Variants in RBM7 observed in about 807,000 individuals in gnomAD.
The protein encoded by RBM7 is RNA binding motif protein 7.
Under a neutral mutation model 31.0 loss-of-function variants are expected in RBM7, and 13 were observed. The observed-to-expected ratio is 0.42, with a 90% CI of 0.27 to 0.67. RBM7 has a LOEUF of 0.67. Among genes scored for constraint, RBM7 ranks in the 30% least tolerant of loss-of-function variants. The probability of loss-of-function intolerance (pLI) is 0.24; values close to 1 mark genes in which losing one functional copy is unlikely to be tolerated. For synonymous variants in RBM7, 106 were observed against 111.2 expected, an observed-to-expected ratio of 0.95 and a Z score of 0.30; for missense variants, 245 against 326.2, an observed-to-expected ratio of 0.75 and a Z score of 1.92.
chr11:114,406,431 A>T (rs1946266848), intron 4 of RBM7: 1 of 152,228 alleles, frequency 6.6e-6, no homozygotes, highest in African/African-American at 2.4e-5. Context: ...TTTTATGTAC[A>T]TATTGCCTAT....
chr11:114,407,917 C>T lies in RBM7; in HGVS notation c.*110C>T, dbSNP rs1946288765. The T allele has an allele frequency of 3.2e-6, 4 of 1,268,140 alleles. No individual in the cohort carries two copies. The highest frequency in any genetic ancestry group is 2.5e-5 in the East Asian group (1 of 39,744). 78.6% of individuals were successfully genotyped at this position (1,268,140 alleles called of 1,614,324 possible). Reference sequence around the variant, plus strand: ...TACAGAGCAGCTTTACAAGTTGTCACATTTCTTTATAAATTTTTTTAAAGC... The same window carrying T: ...TACAGAGCAGCTTTACAAGTTGTCATATTTCTTTATAAATTTTTTTAAAGC... On this transcript the variant is annotated 3_prime_UTR_variant, in exon 5 of 5. Coordinates refer to ENST00000375490, the MANE Select transcript of RBM7 (RefSeq NM_001286045.2).
chr11:114,402,113 G>A (rs1946210422), intron 2 of RBM7: 1 of 367,416 alleles, frequency 2.7e-6, no homozygotes, highest in South Asian at 4.2e-5. Flanking sequence ...ATCACTAAGA[G>A]AGCTGGGCTT....
At chr11:114,405,167 C>T (rs2135353877) in intron 3 of RBM7, among the ~76,000 whole-genome samples, 1 of 152,260 alleles carries the variant, frequency 6.6e-6, no homozygotes, top group East Asian at 1.9e-4. Context: ...TGCATTAGCT[C>T]AGGGACTGAC....
chr11:114,400,743 G>C lies in RBM7; in HGVS notation c.72G>C (p.Glu24Asp). Reference sequence around the variant, plus strand: ...ACCTTGAAACGAAAGTGACCGAGGAGCTCCTTTTCGAGCTTTTCCACCAGG... The same window carrying C: ...ACCTTGAAACGAAAGTGACCGAGGACCTCCTTTTCGAGCTTTTCCACCAGG... ...VGNLETKVTEELLFELFHQAG... is the reference protein window; with the variant it reads ...VGNLETKVTEDLLFELFHQAG... The change falls in exon 1 of 5, where the codon GAG (glutamate) becomes GAC (aspartate). Residue 24 changes from glutamate (E) to aspartate (D), a missense_variant. By Grantham distance (45) the Glu-to-Asp change is conservative. Transcript: ENST00000375490. The C allele has an allele frequency of 6.2e-7, 1 of 1,614,240 alleles. No homozygotes were observed. Among genetic ancestry groups the C allele is most frequent in the Non-Finnish European group, 8.5e-7 (1 of 1,180,042 alleles).
At position 114,401,271 on chromosome 11, in the gene RBM7, AGT is replaced by A. The variant is rs549177529; in HGVS notation, c.97-423_97-422del. Among the ~76,000 whole-genome samples, 47 of 152,372 alleles carry A rather than the reference AGT, an allele frequency of 3.1e-4. 1 individual carries two copies. The South Asian group carries it at 9.5e-3, about 31-fold the overall frequency. On this transcript the variant is annotated intron_variant, in intron 1 of 4. Coordinates refer to ENST00000375490, the MANE Select transcript of RBM7 (RefSeq NM_001286045.2). ...GCATTTTAGTGTTGCTGTATTAAAA[AGT>A]GTGAAAAATTCTGAGTATCCTATTC...
Position 114,409,455 on chromosome 11 carries a change from A to G in RBM7, c.*1648A>G, listed in dbSNP as rs1410581762. The G allele has an allele frequency of 1.3e-5, 2 of 151,678 alleles. No homozygotes were observed. Among genetic ancestry groups the G allele is most frequent in the Non-Finnish European group, 1.5e-5 (1 of 67,938 alleles). The allele number at this position is 151,678 out of a possible 1,614,324, so 9.4% of individuals were successfully genotyped here. ...GGGATCTCAGGTCACTGCAACCTCC[A>G]TATCCCGGGTTCAAGTGATTCTCCT... On this transcript the variant is annotated 3_prime_UTR_variant, in exon 5 of 5. Transcript: ENST00000375490.
chr11:114,410,034 C>T lies in RBM7; in HGVS notation c.*2227C>T, dbSNP rs958380092. 1 of 152,108 alleles carries T rather than the reference C, an allele frequency of 6.6e-6. No individual in the cohort carries two copies. The highest frequency in any genetic ancestry group is 1.5e-5 in the Non-Finnish European group (1 of 68,042). The allele number at this position is 152,108 out of a possible 1,614,324, so 9.4% of individuals were successfully genotyped here. A position where few individuals can be genotyped will look rare whatever the true frequency, so the allele number is the denominator to read the frequency against. On this transcript the variant is annotated 3_prime_UTR_variant, in exon 5 of 5. Transcript: ENST00000375490. ...CGGAAATCCACAGTGCTCCAATGAGCCTTTCCCCTGAGTGTCACATCTGTA... is the reference window on the plus strand; with the variant it reads ...CGGAAATCCACAGTGCTCCAATGAGTCTTTCCCCTGAGTGTCACATCTGTA...
chr11:114,401,590 T>G (rs879567696), intron 1 of RBM7, 108 bp from the exon 2 acceptor site: 31 of 950,962 alleles, frequency 3.3e-5, no homozygotes, highest in Non-Finnish European at 4.6e-5. Context: ...AAAAGAAGTT[T>G]CTGATTACGT....
In RBM7 at chr11:114,407,771, T is replaced by G. The variant is rs2042656457; in HGVS notation, c.768T>G (p.Ser256Arg). ...ATGACTATGATAACAGAAGAGACAG[T>G]AGTAGAGATGGAAAATGGCGCTCAT... ...WSHDYDNRRD[S>R]SRDGKWRSSR... The change falls in exon 5 of 5, where the codon AGT becomes AGG. Residue 256 changes from serine to arginine, a missense_variant. Physicochemically the swap from Ser to Arg is moderately radical, Grantham distance 110. Transcript: ENST00000375490. 6.2e-7 allele frequency: 1 copy of G among 1,611,196 alleles called. No homozygotes were observed. The highest frequency in any genetic ancestry group is 1.7e-5 in the Admixed American group (1 of 59,862).
intron 2 of RBM7, among the ~76,000 whole-genome samples, chr11:114,402,528 T>C (rs1248104790): frequency 6.7e-6 from 1 of 150,090 alleles, no homozygotes; most frequent in Non-Finnish European, 1.5e-5. Flanking sequence ...CTTAGCCTCC[T>C]GAGTAGCTGG....
At chr11:114,404,586 C>G (rs947779960) in intron 3 of RBM7, among the ~76,000 whole-genome samples, 1 of 151,758 alleles carries the variant, frequency 6.6e-6, no homozygotes, top group Non-Finnish European at 1.5e-5. Context: ...TCGTATAGTC[C>G]CAGCTACTTG....
Position 114,408,906 on chromosome 11 carries a change from A to C in RBM7, c.*1099A>C, listed in dbSNP as rs376513279. ...TTCCTTTTTAATATACTGAAAATAT[A>C]AAAGGAAGGGTGTGTGTTATTTTTT... is the stretch of plus-strand genomic sequence containing the variant. On this transcript the variant is annotated 3_prime_UTR_variant, in exon 5 of 5. Transcript: ENST00000375490. 5.9e-5 allele frequency: 9 copies of C among 152,238 alleles called. No individual in the cohort carries two copies. The highest frequency in any genetic ancestry group is 1.7e-4 in the African/African-American group (7 of 41,506). The allele number at this position is 152,238 out of a possible 1,614,324, so 9.4% of individuals were successfully genotyped here.
rs774263814 is a variant in RBM7, at chr11:114,401,880, CG to C, written c.259+26del. ...GATCAGGTAACTGCCCAATGAGGTT[CG>C]GGGGGCATTGTTTCCTGCTGTTTTT... On this transcript the variant is annotated intron_variant, in intron 2 of 4. Coordinates refer to ENST00000375490, the MANE Select transcript of RBM7 (RefSeq NM_001286045.2). 2 of 1,556,370 alleles carry C rather than the reference CG, an allele frequency of 1.3e-6. No individual in the cohort carries two copies. The highest frequency in any genetic ancestry group is 2.5e-5 in the South Asian group (2 of 79,668).
At chr11:114,405,601 T>G (rs1334024520) in intron 3 of RBM7, 105 bp from the exon 4 acceptor site, 3 of 631,108 alleles carry the variant, frequency 4.8e-6, no homozygotes, top group Non-Finnish European at 7.6e-6. Context: ...AGCAGATACC[T>G]TTCCTGTCTT....
At position 114,408,926 on chromosome 11, in the gene RBM7, T is replaced by A. The variant is rs976565261; in HGVS notation, c.*1119T>A. On this transcript the variant is annotated 3_prime_UTR_variant, in exon 5 of 5. Transcript: ENST00000375490. ...AATATAAAAGGAAGGGTGTGTGTTA[T>A]TTTTTTTTTTTTATGTCACTGACTT... 1 of 140,522 alleles carries A rather than the reference T, an allele frequency of 7.1e-6. No individual in the cohort carries two copies. Among genetic ancestry groups the A allele is most frequent in the African/African-American group, 2.7e-5 (1 of 37,628 alleles). 8.7% of individuals were successfully genotyped at this position (140,522 alleles called of 1,614,324 possible).
intron 4 of RBM7, chr11:114,406,037 A>C: frequency 4.9e-6 from 2 of 407,342 alleles, no homozygotes; most frequent in Non-Finnish European, 8.7e-6. Flanking sequence ...ATATATACTT[A>C]AAAGACTGAA....
At chr11:114,402,586 G>A (rs1419677705) in intron 2 of RBM7, among the ~76,000 whole-genome samples, 1 of 151,554 alleles carries the variant, frequency 6.6e-6, no homozygotes, top group Non-Finnish European at 1.5e-5. Context: ...TGTATTTTTA[G>A]TAGAGGTGGG....
Position 114,408,832 on chromosome 11 carries a change from C to A in RBM7, c.*1025C>A, listed in dbSNP as rs1946302326. 1 of 151,832 alleles carries A rather than the reference C, an allele frequency of 6.6e-6. No homozygotes were observed. Among genetic ancestry groups the A allele is most frequent in the African/African-American group, 2.4e-5 (1 of 41,326 alleles). The allele number at this position is 151,832 out of a possible 1,614,324, so 9.4% of individuals were successfully genotyped here. ...CATTACAGAATTGTTTATAAAAGTT[C>A]ATTTGTTGAAAAATAAGGATCCTTT... On this transcript the variant is annotated 3_prime_UTR_variant, in exon 5 of 5. Transcript: ENST00000375490.
intron 2 of RBM7, 91 bp downstream of exon 2, chr11:114,401,951 ACTTCTTT>A: frequency 7.5e-7 from 1 of 1,337,348 alleles, no homozygotes; most frequent in Non-Finnish European, 1.0e-6. Context: ...TGTAGATGAA[ACTTCTTT>A]CTTAAGCATT....
Sources: gnomAD v4.1 joint callset for allele counts (sites outside exome capture counted in the v4.1 genomes callset) on GRCh38, gnomAD v4.1.1 for gene constraint, MANE v1.5 for transcripts, NCBI Gene and HGNC (gene_info 2026-07-23, HGNC 2026-07-21) for gene names.